Variants in ZFPM2 observed in about 807,000 individuals in gnomAD.
ZFPM2 encodes zinc finger protein ZFPM2.
In ZFPM2, 20 loss-of-function variants were observed where a neutral mutation model predicts 98.6. That is an observed-to-expected ratio of 0.20 (90% CI 0.14 to 0.29). The LOEUF (loss-of-function observed/expected upper bound fraction) is 0.29. Among genes scored for constraint, ZFPM2 ranks in the 10% least tolerant of loss-of-function variants. The pLI is 1.00. For synonymous variants in ZFPM2, 518 were observed against 502.7 expected (o/e 1.03, Z -0.41); for missense variants, 1,310 against 1,388.6 (o/e 0.94, Z 0.90).
intron 4 of ZFPM2, among the ~76,000 whole-genome samples, chr8:105,576,992 G>T (rs1353960795): frequency 6.6e-6 from 1 of 151,444 alleles, no homozygotes; most frequent in Non-Finnish European, 1.5e-5. Flanking sequence ...AAAGGGTAGT[G>T]GAATAATCAT....
intron 4 of ZFPM2, among the ~76,000 whole-genome samples, chr8:105,575,193 C>G (rs1254822013): frequency 2.0e-5 from 3 of 152,044 alleles, no homozygotes; most frequent in African/African-American, 7.2e-5. Flanking sequence ...AAACAGTGGT[C>G]GGCTCCATTA....
chr8:105,412,728 A>G (rs1049314834), intron 1 of ZFPM2, among the ~76,000 whole-genome samples: 3 of 151,750 alleles, frequency 2.0e-5, no homozygotes, highest in Non-Finnish European at 4.4e-5. Flanking sequence ...GTTAAGCTCA[A>G]TTACATGAGT....
At chr8:105,602,717 T>G (rs1026399386) in intron 4 of ZFPM2, among the ~76,000 whole-genome samples, 4 of 96,428 alleles carry the variant, frequency 4.1e-5, no homozygotes, top group Admixed American at 1.0e-4. Flanking sequence ...CTTGCTTCTG[T>G]TATTCTGGCC....
intron 4 of ZFPM2, among the ~76,000 whole-genome samples, chr8:105,599,306 G>A (rs1816040939): frequency 6.6e-6 from 1 of 150,806 alleles, no homozygotes; most frequent in African/African-American, 2.4e-5. Flanking sequence ...AACAAGTGCT[G>A]GATAGTTTGC....
intron 5 of ZFPM2, among the ~76,000 whole-genome samples, chr8:105,731,071 A>G (rs1811924575): frequency 6.6e-6 from 1 of 151,686 alleles, no homozygotes; most frequent in Non-Finnish European, 1.5e-5. Context: ...AACTGAAAAA[A>G]ATGATTGTTG....
intron 3 of ZFPM2, among the ~76,000 whole-genome samples, chr8:105,474,589 C>T (rs913179105): frequency 1.3e-5 from 2 of 151,944 alleles, no homozygotes; most frequent in African/African-American, 4.8e-5. Flanking sequence ...AACTATAACC[C>T]TTTAAATATA....
chr8:105,579,251 G>A lies in ZFPM2; in HGVS notation c.420+17770G>A, dbSNP rs149114686. Among the ~76,000 whole-genome samples, 31 of 152,062 alleles carry A rather than the reference G, an allele frequency of 2.0e-4. No homozygotes were observed. In the East Asian group the frequency reaches 5.2e-3, roughly 26 times the overall value. On this transcript the variant is annotated intron_variant, in intron 4 of 7. Coordinates refer to ENST00000407775, the MANE Select transcript of ZFPM2 (RefSeq NM_012082.4). ...AGGACATCTTGATTTTAAGCATTTAGCATCCTATATTTCTGTTCGTAATTT... is the reference window on the plus strand; with the variant it reads ...AGGACATCTTGATTTTAAGCATTTAACATCCTATATTTCTGTTCGTAATTT...
intron 2 of ZFPM2, among the ~76,000 whole-genome samples, chr8:105,427,933 T>C (rs1811947464): frequency 6.6e-6 from 1 of 152,206 alleles, no homozygotes; most frequent in African/African-American, 2.4e-5. Context: ...GTCAGACATC[T>C]TCCTGTGTAT....
intron 5 of ZFPM2, among the ~76,000 whole-genome samples, chr8:105,727,688 T>C (rs1811845343): frequency 1.3e-5 from 2 of 151,850 alleles, no homozygotes; most frequent in Admixed American, 1.3e-4. Flanking sequence ...CTGTGGCTTT[T>C]AGGTGAAAAG....
At chr8:105,413,519 C>G (rs1563647492) in intron 1 of ZFPM2, among the ~76,000 whole-genome samples, 1 of 148,482 alleles carries the variant, frequency 6.7e-6, no homozygotes, top group African/African-American at 2.5e-5. Flanking sequence ...CACACACACA[C>G]GCACATATAT....
At chr8:105,393,319 TCC>T (rs138307277) in intron 1 of ZFPM2, among the ~76,000 whole-genome samples, 7,580 of 81,666 alleles carry the variant, frequency 0.093, 342 homozygotes, top group Middle Eastern at 0.16. Context: ...CTTTCTTCCT[TCC>T]CTCTCTCTCT....
chr8:105,478,912 C>T (rs1193672680), intron 3 of ZFPM2, among the ~76,000 whole-genome samples: 9 of 152,208 alleles, frequency 5.9e-5, no homozygotes, highest in Admixed American at 2.6e-4. Context: ...TCCTCAGTTT[C>T]GAGCCCCAAA....
intron 2 of ZFPM2, among the ~76,000 whole-genome samples, chr8:105,432,799 A>C (rs114279494): frequency 0.016 from 2,441 of 152,310 alleles, 59 homozygotes; most frequent in African/African-American, 0.056. Context: ...TTAGAAACAT[A>C]GTTTAAAATA....
chr8:105,364,137 G>T (rs750254714), intron 1 of ZFPM2, among the ~76,000 whole-genome samples: 4 of 151,994 alleles, frequency 2.6e-5, no homozygotes, highest in Admixed American at 6.6e-5. Context: ...TGTTTATTCA[G>T]AAGTTGGGGA....
intron 3 of ZFPM2, among the ~76,000 whole-genome samples, chr8:105,558,031 T>A (rs1815039575): frequency 1.3e-5 from 2 of 151,388 alleles, no homozygotes; most frequent in Admixed American, 6.6e-5. Flanking sequence ...ATAACTTATT[T>A]GAGGCCGTTC....
At chr8:105,692,562 G>A (rs993478437) in intron 5 of ZFPM2, among the ~76,000 whole-genome samples, 2 of 152,174 alleles carry the variant, frequency 1.3e-5, no homozygotes, top group Admixed American at 1.3e-4. Flanking sequence ...AGTGCTTTAT[G>A]AAGAATGCAG....
chr8:105,736,123 C>G (rs1458962656), intron 5 of ZFPM2, among the ~76,000 whole-genome samples: 1 of 151,648 alleles, frequency 6.6e-6, no homozygotes, highest in Non-Finnish European at 1.5e-5. Flanking sequence ...TTCTCTAATC[C>G]AGTAAAATTT....
At position 105,712,519 on chromosome 8, in the gene ZFPM2, T is replaced by C. The variant is rs1377929751; in HGVS notation, c.533-76199T>C. Among the ~76,000 whole-genome samples, 6 of 146,448 alleles carry C rather than the reference T, an allele frequency of 4.1e-5. No individual in the cohort carries two copies. The East Asian group carries it at 1.2e-3, about 28-fold the overall frequency. On this transcript the variant is annotated intron_variant, in intron 5 of 7. Transcript: ENST00000407775. ...CTTACCAGCTTGTAAGAGCCAGTCA[T>C]TAAATTTGGGGCGACTACAAGCCAT...
chr8:105,426,485 C>T (rs1454502139), intron 2 of ZFPM2, among the ~76,000 whole-genome samples: 1 of 152,112 alleles, frequency 6.6e-6, no homozygotes, highest in Non-Finnish European at 1.5e-5. Flanking sequence ...TCCGCCACCT[C>T]CCCCTCCCTC....
Sources: gnomAD v4.1 joint callset for allele counts (sites outside exome capture counted in the v4.1 genomes callset) on GRCh38, gnomAD v4.1.1 for gene constraint, MANE v1.5 for transcripts, NCBI Gene and HGNC (gene_info 2026-07-23, HGNC 2026-07-21) for gene names.